IRAK1BP1: variants seen among roughly 807,000 people sequenced by gnomAD.
The protein encoded by IRAK1BP1 is interleukin 1 receptor associated kinase 1 binding protein 1.
IRAK1BP1 carries 24 observed loss-of-function variants against 28.0 expected under a neutral mutation model. The ratio of observed to expected loss-of-function variants is 0.86; its 90% CI spans 0.62 to 1.20. IRAK1BP1 has a LOEUF of 1.20. Among genes scored for constraint, IRAK1BP1 ranks in the 50% most tolerant of loss-of-function variants. The pLI is 0.00. For synonymous variants in IRAK1BP1, 131 were observed against 116.3 expected (o/e 1.13, Z -0.81); for missense variants, 336 against 316.7 (o/e 1.06, Z -0.46).
At chr6:78,913,831 A>G (rs994616708) in intron 4 of IRAK1BP1, among the ~76,000 whole-genome samples, 1 of 152,190 alleles carries the variant, frequency 6.6e-6, no homozygotes, top group African/African-American at 2.4e-5. Flanking sequence ...TTGGAAAAAT[A>G]CTGATATTGG....
At chr6:78,949,838 G>A (rs950544786), downstream of IRAK1BP1, among the ~76,000 whole-genome samples, 17 of 151,932 alleles carry the variant, frequency 1.1e-4, no homozygotes, top group African/African-American at 3.6e-4. Context: ...ATAGGTGCAC[G>A]CCACTGCACC....
chr6:78,967,817 T>C, the IRAK1BP1 span, among the ~76,000 whole-genome samples: 2 of 152,154 alleles, frequency 1.3e-5, no homozygotes, highest in Non-Finnish European at 2.9e-5. Context: ...CCGCAATTTA[T>C]TGGCAAATGC....
chr6:78,934,877 T>C (rs906193037), intron 4 of IRAK1BP1, among the ~76,000 whole-genome samples: 1 of 152,202 alleles, frequency 6.6e-6, no homozygotes, highest in Non-Finnish European at 1.5e-5. Flanking sequence ...CCAGTATGTC[T>C]AACCAATTAG....
In IRAK1BP1 at chr6:78,933,837, GCTTT is replaced by G. The variant is rs1399840042; in HGVS notation, c.*68-11567_*68-11564del. Among the ~76,000 whole-genome samples the G allele has an allele frequency of 3.3e-5, 5 of 152,182 alleles. No homozygotes were observed. In the East Asian group the frequency reaches 9.7e-4, roughly 29 times the overall value. On this transcript the variant is annotated intron_variant and NMD_transcript_variant, in intron 4 of 4. Coordinates refer to the IRAK1BP1 transcript ENST00000606868. ...CTCCTTATCAGCCATAAGGTTGCTT[GCTTT>G]CTTATCATTCATATGTTCACTGAAG...
Position 78,885,424 on chromosome 6 carries a change from C to T in IRAK1BP1, c.362C>T (p.Ala121Val), listed in dbSNP as rs754801223. 1.3e-6 allele frequency: 2 copies of T among 1,561,044 alleles called. No individual in the cohort carries two copies. Among genetic ancestry groups the T allele is most frequent in the Non-Finnish European group, 1.7e-6 (2 of 1,149,112 alleles). ...VTKDFRRVENAYHMEAEVCIT... is the reference protein window; with the variant it reads ...VTKDFRRVENVYHMEAEVCIT... Reference sequence around the variant, plus strand: ...AAGGATTTTAGGAGAGTGGAAAATGCTTATCACATGGAAGCAGAGGTATGT... The same window carrying T: ...AAGGATTTTAGGAGAGTGGAAAATGTTTATCACATGGAAGCAGAGGTATGT... The change falls in exon 2 of 4, where the codon GCT becomes GTT. Residue 121 changes from alanine to valine, a missense_variant. Ala to Val is a moderately conservative substitution (Grantham distance 64, BLOSUM62 0). Transcript: ENST00000369940.
chr6:78,929,630 C>T (rs149921931), intron 4 of IRAK1BP1, among the ~76,000 whole-genome samples: 15 of 152,236 alleles, frequency 9.9e-5, no homozygotes, highest in East Asian at 3.9e-4. Flanking sequence ...CCCAAACCTC[C>T]GCAGTATACC....
chr6:78,952,358 G>T, the IRAK1BP1 span, among the ~76,000 whole-genome samples: 2 of 147,672 alleles, frequency 1.4e-5, no homozygotes, highest in Non-Finnish European at 3.0e-5. Flanking sequence ...GGCAGAGTTT[G>T]TAGTGAGCCG....
chr6:78,875,706 C>T (rs924738777), intron 1 of IRAK1BP1, among the ~76,000 whole-genome samples: 3 of 152,022 alleles, frequency 2.0e-5, no homozygotes, highest in Non-Finnish European at 4.4e-5. Flanking sequence ...ACAATAAACA[C>T]TGGGAACTCC....
At chr6:78,878,423 G>T (rs986127396) in intron 1 of IRAK1BP1, among the ~76,000 whole-genome samples, 3 of 152,178 alleles carry the variant, frequency 2.0e-5, no homozygotes, top group Non-Finnish European at 2.9e-5. Context: ...CAACAGACCT[G>T]CAGCTAAGGG....
At chr6:78,906,671 A>G (rs536935215), downstream of IRAK1BP1, among the ~76,000 whole-genome samples, 1 of 152,286 alleles carries the variant, frequency 6.6e-6, no homozygotes, top group East Asian at 1.9e-4. Flanking sequence ...TCAGTTACAA[A>G]CTTACACTGC....
intron 1 of IRAK1BP1, among the ~76,000 whole-genome samples, chr6:78,873,211 C>T (rs1770851817): frequency 7.3e-6 from 1 of 137,510 alleles, no homozygotes; most frequent in Non-Finnish European, 1.5e-5. Context: ...GCTGAGATCA[C>T]GCCACTGCAC....
At position 78,902,137 on chromosome 6, in the gene IRAK1BP1, C is replaced by G. The variant is rs1772125265; in HGVS notation, c.*3803C>G. On this transcript the variant is annotated 3_prime_UTR_variant, in exon 4 of 4. Transcript: ENST00000369940. ...ACATATATGGTATTTGCAACCAAATCACTGAGTTTGTTGTTGTCGTTGTTT... is the reference window on the plus strand; with the variant it reads ...ACATATATGGTATTTGCAACCAAATGACTGAGTTTGTTGTTGTCGTTGTTT... 1 of 152,162 alleles carries G rather than the reference C, an allele frequency of 6.6e-6. No individual in the cohort carries two copies. The highest frequency in any genetic ancestry group is 2.4e-5 in the African/African-American group (1 of 41,422). 9.4% of individuals were successfully genotyped at this position (152,162 alleles called of 1,614,324 possible). A position where few individuals can be genotyped will look rare whatever the true frequency, so the allele number is the denominator to read the frequency against.
At chr6:78,957,711 G>A in the IRAK1BP1 span, 2 of 151,678 alleles carry the variant, frequency 1.3e-5, no homozygotes, top group Non-Finnish European at 2.9e-5. Context: ...TACAAATAAT[G>A]ACATGGAATC....
At chr6:78,879,011 T>G (rs1363341111) in intron 1 of IRAK1BP1, among the ~76,000 whole-genome samples, 1 of 152,182 alleles carries the variant, frequency 6.6e-6, no homozygotes, top group Non-Finnish European at 1.5e-5. Flanking sequence ...AGACCAAATC[T>G]ACGTCTGATT....
chr6:78,922,122 C>T (rs1259252181), intron 4 of IRAK1BP1, among the ~76,000 whole-genome samples: 5 of 152,136 alleles, frequency 3.3e-5, no homozygotes, highest in Non-Finnish European at 5.9e-5. Flanking sequence ...GATCAAATTA[C>T]TCTGAGCTAA....
downstream of IRAK1BP1, among the ~76,000 whole-genome samples, chr6:78,947,345 A>G (rs1166390658): frequency 4.6e-5 from 7 of 152,220 alleles, no homozygotes; most frequent in Admixed American, 2.0e-4. Flanking sequence ...AATAGCTAGA[A>G]AACTCAAGGC....
Position 78,867,567 on chromosome 6 carries a change from T to A in IRAK1BP1, c.-10T>A, listed in dbSNP as rs752907520. The A allele has an allele frequency of 1.9e-6, 3 of 1,610,450 alleles. No homozygotes were observed. The highest frequency in any genetic ancestry group is 2.5e-6 in the Non-Finnish European group (3 of 1,177,964). The stretch of plus-strand genomic sequence containing the variant: ...CCGGTAGTTACTATGGAAACCCAGC[T>A]GCCATCGCTATGTCTCTGCAAAAGA... On this transcript the variant is annotated 5_prime_UTR_variant, in exon 1 of 4. Transcript: ENST00000369940.
chr6:78,877,597 A>G (rs1437123620), intron 1 of IRAK1BP1, among the ~76,000 whole-genome samples: 5 of 152,092 alleles, frequency 3.3e-5, no homozygotes, highest in Non-Finnish European at 5.9e-5. Flanking sequence ...TGCATTTCCA[A>G]CTGAGGTACT....
chr6:78,921,954 T>C (rs1441929571), intron 4 of IRAK1BP1, among the ~76,000 whole-genome samples: 4 of 151,996 alleles, frequency 2.6e-5, no homozygotes, highest in African/African-American at 9.7e-5. Context: ...CAAAGGTAGA[T>C]AAAACCACAA....
Sources: allele counts gnomAD v4.1 joint callset (sites outside exome capture counted in the v4.1 genomes callset), GRCh38; gene constraint gnomAD v4.1.1; transcripts MANE v1.5; gene names NCBI Gene and HGNC (gene_info 2026-07-23, HGNC 2026-07-21).